The following THSD4 variants were observed in gnomAD, a reference collection of about 807,000 sequenced individuals.
THSD4 encodes the protein thrombospondin type-1 domain-containing protein 4.
Under a neutral mutation model 119.0 loss-of-function variants are expected in THSD4, and 69 were observed. That is an observed-to-expected ratio of 0.58 (90% CI 0.48 to 0.71). The LOEUF is 0.71. Ranked by LOEUF, THSD4 falls within the 30% of genes least tolerant of loss-of-function variation. The probability of loss-of-function intolerance (pLI) is 0.00; values close to 1 mark genes in which losing one functional copy is unlikely to be tolerated. For synonymous variants in THSD4, 524 were observed against 540.4 expected (o/e 0.97, Z 0.42); for missense variants, 1,393 against 1,391.1 (o/e 1.00, Z -0.02).
chr15:71,314,464 G>A (rs112901286), intron 6 of THSD4, among the ~76,000 whole-genome samples: 16,428 of 151,930 alleles, frequency 0.11, 940 homozygotes, highest in Middle Eastern at 0.16. Flanking sequence ...ACACTACCAC[G>A]CGCAGCTAAT....
At chr15:71,504,017 G>C (rs564563162) in intron 7 of THSD4, among the ~76,000 whole-genome samples, 8 of 152,198 alleles carry the variant, frequency 5.3e-5, no homozygotes, top group African/African-American at 1.7e-4. Context: ...AGTGCATTAT[G>C]ATTTTAGGGG....
intron 3 of THSD4, among the ~76,000 whole-genome samples, chr15:71,208,909 G>A (rs1349627144): frequency 6.6e-6 from 1 of 152,138 alleles, no homozygotes; most frequent in Non-Finnish European, 1.5e-5. Context: ...AAATGAGGAG[G>A]GGGATATCAG....
intron 7 of THSD4, among the ~76,000 whole-genome samples, chr15:71,617,459 A>G (rs934203841): frequency 2.0e-5 from 3 of 151,276 alleles, no homozygotes; most frequent in Non-Finnish European, 2.9e-5. Context: ...AAGGATTTCA[A>G]TTTTTTAAAC....
At chr15:71,687,445 C>G (rs570180659) in intron 8 of THSD4, among the ~76,000 whole-genome samples, 7 of 152,122 alleles carry the variant, frequency 4.6e-5, no homozygotes, top group Non-Finnish European at 7.4e-5. Flanking sequence ...CGGCTGAACT[C>G]ACAAGCTAAC....
intron 6 of THSD4, among the ~76,000 whole-genome samples, chr15:71,292,816 A>G (rs969731123): frequency 1.3e-5 from 2 of 151,888 alleles, no homozygotes; most frequent in Non-Finnish European, 2.9e-5. Flanking sequence ...AGCTGGGACT[A>G]CAGGCACCCA....
chr15:71,537,648 A>G (rs2048704378), intron 7 of THSD4, among the ~76,000 whole-genome samples: 1 of 152,162 alleles, frequency 6.6e-6, no homozygotes, highest in African/African-American at 2.4e-5. Context: ...AATGATAAGA[A>G]TTGAGTCTGT....
chr15:71,438,150 G>A (rs905414347), intron 7 of THSD4, among the ~76,000 whole-genome samples: 11 of 152,016 alleles, frequency 7.2e-5, no homozygotes, highest in Admixed American at 2.6e-4. Context: ...CCTCACCCTC[G>A]CCCAGGAACC....
chr15:71,205,594 C>T (rs1298163150), intron 3 of THSD4, among the ~76,000 whole-genome samples: 1 of 152,140 alleles, frequency 6.6e-6, no homozygotes, highest in Non-Finnish European at 1.5e-5. Context: ...TTGTAGAACT[C>T]ATTTACATAA....
chr15:71,530,506 C>G (rs753484643), intron 7 of THSD4, among the ~76,000 whole-genome samples: 2 of 152,150 alleles, frequency 1.3e-5, no homozygotes, highest in Non-Finnish European at 2.9e-5. Context: ...TTATGACACA[C>G]TACTTATTTG....
At chr15:71,729,120 G>T in intron 9 of THSD4, 1 of 232,030 alleles carries the variant, frequency 4.3e-6, no homozygotes, top group Non-Finnish European at 8.7e-6. Flanking sequence ...AAGGAAGGCA[G>T]GACCGCTCCC....
intron 8 of THSD4, among the ~76,000 whole-genome samples, chr15:71,722,176 G>C (rs2052735631): frequency 2.0e-5 from 3 of 152,142 alleles, no homozygotes; most frequent in Non-Finnish European, 4.4e-5. Flanking sequence ...GGAACTGCTT[G>C]CAGGCATATA....
intron 2 of THSD4, among the ~76,000 whole-genome samples, chr15:71,147,255 G>C (rs1331134023): frequency 6.6e-6 from 1 of 151,792 alleles, no homozygotes; most frequent in Non-Finnish European, 1.5e-5. Flanking sequence ...CCCAGGCTGG[G>C]GTCCAGTGGC....
chr15:71,487,573 C>T (rs2047842035), intron 7 of THSD4, among the ~76,000 whole-genome samples: 1 of 152,164 alleles, frequency 6.6e-6, no homozygotes, highest in Non-Finnish European at 1.5e-5. Context: ...TCTTCTTTGA[C>T]TTATGTTTGC....
At chr15:71,263,331 G>GTATGTATATATA (rs1555458977) in intron 6 of THSD4, among the ~76,000 whole-genome samples, 15 of 138,896 alleles carry the variant, frequency 1.1e-4, no homozygotes, top group African/African-American at 4.0e-4. Flanking sequence ...GTATTCCATG[G>GTATGTATATATA]TATATATATA....
At chr15:71,580,936 C>T (rs939140035) in intron 7 of THSD4, among the ~76,000 whole-genome samples, 36 of 151,990 alleles carry the variant, frequency 2.4e-4, no homozygotes, top group African/African-American at 8.2e-4. Context: ...ACACACACCC[C>T]ATATTCTCTT....
intron 7 of THSD4, among the ~76,000 whole-genome samples, chr15:71,532,319 T>TGTGTGTGA (rs2048625576): frequency 1.4e-5 from 2 of 142,492 alleles, no homozygotes; most frequent in African/African-American, 6.0e-5. Context: ...TGTGTGTGTG[T>TGTGTGTGA]GTGTGTGTGT....
intron 4 of THSD4, among the ~76,000 whole-genome samples, chr15:71,225,551 C>CTTTTTTTTTT (rs748966344): frequency 7.3e-5 from 3 of 41,234 alleles, no homozygotes; most frequent in African/African-American, 1.0e-4. Context: ...TTTTTTTTTT[C>CTTTTTTTTTT]TTTTTTTTTT....
At chr15:71,622,601 T>G (rs997713737) in intron 7 of THSD4, among the ~76,000 whole-genome samples, 1 of 152,240 alleles carries the variant, frequency 6.6e-6, no homozygotes, top group Admixed American at 6.5e-5. Context: ...TTCTAAATAC[T>G]TTTTTCAAGA....
intron 6 of THSD4, among the ~76,000 whole-genome samples, chr15:71,368,091 A>C (rs926926048): frequency 2.6e-5 from 4 of 152,130 alleles, no homozygotes; most frequent in African/African-American, 9.7e-5. Context: ...TCTTTTGAGA[A>C]GTGTCTGTTC....
Sources: allele counts gnomAD v4.1 joint callset (sites outside exome capture counted in the v4.1 genomes callset), GRCh38; gene constraint gnomAD v4.1.1; transcripts MANE v1.5; gene names NCBI Gene and HGNC (gene_info 2026-07-23, HGNC 2026-07-21).